WDR91: variants seen among roughly 807,000 people sequenced by gnomAD.
The protein encoded by WDR91 is WD repeat domain 91.
In WDR91, 52 loss-of-function variants were observed where a neutral mutation model predicts 88.4. The observed-to-expected ratio is 0.59, with a 90% CI of 0.47 to 0.74. The LOEUF is 0.74. WDR91 is among the 30% of genes least tolerant of loss of function. The pLI, the probability that WDR91 is intolerant of heterozygous loss-of-function variation, is 0.00. For missense variants in WDR91, 824 were observed against 954.5 expected (o/e 0.86, Z 1.80); for synonymous variants, 362 against 389.5 (o/e 0.93, Z 0.83).
chr7:135,197,703 G>A, intron 7 of WDR91: 1 of 303,264 alleles, frequency 3.3e-6, no homozygotes, highest in East Asian at 5.9e-5. Flanking sequence ...GGATGAGTAT[G>A]CAAAGGTTCC....
At chr7:135,209,793 A>G in intron 1 of WDR91, 38 bp from the exon 2 acceptor site, 2 of 1,476,274 alleles carry the variant, frequency 1.4e-6, no homozygotes, top group Non-Finnish European at 1.8e-6. Flanking sequence ...GGTAAGGGAC[A>G]GAAGGGAATT....
Position 135,205,972 on chromosome 7 carries a change from C to T in WDR91, c.681G>A (p.Leu227=), listed in dbSNP as rs764310634. The change falls in exon 5 of 15, where the codon TTG becomes TTA. Residue 227 remains leucine (L), a synonymous_variant. Transcript: ENST00000354475. ...EEEEALVQHK[L]PPYVSNMDRL... is the part of the protein sequence containing the mutation. ...GGTCCATGTTGGAGACATAAGGAGG[C>T]AATTTGTGTTGGACCAAGGCCTCTT... The T allele has an allele frequency of 3.7e-6, 6 of 1,614,008 alleles. No homozygotes were observed. The highest frequency in any genetic ancestry group is 5.1e-6 in the Non-Finnish European group (6 of 1,180,040).
intron 4 of WDR91, 122 bp downstream of exon 4, chr7:135,206,998 C>T (rs1274514257): frequency 4.9e-6 from 3 of 608,782 alleles, no homozygotes; most frequent in Non-Finnish European, 8.1e-6. Flanking sequence ...GACTCATTTC[C>T]ATCTGAGAAA....
chr7:135,192,542 G>A (rs1831208937), intron 11 of WDR91, among the ~76,000 whole-genome samples: 1 of 152,026 alleles, frequency 6.6e-6, no homozygotes, highest in Admixed American at 6.5e-5. Context: ...TGAGAGGTCT[G>A]ACAGACCCAA....
rs530216795 is a variant in WDR91 at position 135,196,923 on chromosome 7, C to T, written c.1051-586G>A. On this transcript the variant is annotated intron_variant, in intron 7 of 14. Coordinates refer to ENST00000354475, the MANE Select transcript of WDR91 (RefSeq NM_014149.4). This position sits in a 1 kb window ranked among gnomAD's most constrained non-coding sequence, Gnocchi z 4.2. ...CTCCTGGGAGGTGGGCACTGAGAAA[C>T]TAAGAAACAGACACAACTGGCCAGG... is the stretch of plus-strand genomic sequence containing the variant. 6.6e-6 allele frequency: 1 copy of T among 152,432 alleles called. No homozygotes were observed. Among genetic ancestry groups the T allele is most frequent in the East Asian group, 1.9e-4 (1 of 5,194 alleles). The allele number at this position is 152,432 out of a possible 1,614,324, so 9.4% of individuals were successfully genotyped here. A position where few individuals can be genotyped will look rare whatever the true frequency, so the allele number is the denominator to read the frequency against.
chr7:135,196,058 C>T lies in WDR91; in HGVS notation c.1244+86G>A, dbSNP rs112532396. On this transcript the variant is annotated intron_variant, in intron 8 of 14. Transcript: ENST00000354475. This position sits in a 1 kb window ranked among gnomAD's most constrained non-coding sequence, Gnocchi z 4.2. ...GGCCCTCGTCCAAGCCCCCATTCTC[C>T]GCCATCTCCTGCTGGCCACACCTCC... 4.0e-5 allele frequency: 53 copies of T among 1,332,948 alleles called. No individual in the cohort carries two copies. The highest frequency in any genetic ancestry group is 1.4e-4 in the African/African-American group (9 of 66,426). The allele number at this position is 1,332,948 out of a possible 1,614,324, so 82.6% of individuals were successfully genotyped here.
chr7:135,209,800 A>G, intron 1 of WDR91, 45 bp from the exon 2 acceptor site: 1 of 1,444,640 alleles, frequency 6.9e-7, no homozygotes, highest in Non-Finnish European at 9.2e-7. Context: ...GACAGAAGGG[A>G]ATTCTCCCCT....
At chr7:135,188,359 AGGTAT>A in intron 13 of WDR91, 69 bp downstream of exon 13, 1 of 1,255,424 alleles carries the variant, frequency 8.0e-7, no homozygotes, top group Non-Finnish European at 1.2e-6. Flanking sequence ...AGCTAGTAAC[AGGTAT>A]GGCCACAACC....
At position 135,196,076 on chromosome 7, in the gene WDR91, A is replaced by G. The variant is rs1033887195; in HGVS notation, c.1244+68T>C. The G allele has an allele frequency of 7.1e-7, 1 of 1,405,306 alleles. No individual in the cohort carries two copies. The highest frequency in any genetic ancestry group is 2.7e-5 in the East Asian group (1 of 37,446). 87.1% of individuals were successfully genotyped at this position (1,405,306 alleles called of 1,614,324 possible). A position where few individuals can be genotyped will look rare whatever the true frequency, so the allele number is the denominator to read the frequency against. ...CATTCTCCGCCATCTCCTGCTGGCC[A>G]CACCTCCACGTGTACTGCCTGAAAA... On this transcript the variant is annotated intron_variant, in intron 8 of 14. Coordinates refer to ENST00000354475, the MANE Select transcript of WDR91 (RefSeq NM_014149.4). This position sits in a 1 kb window ranked among gnomAD's most constrained non-coding sequence, Gnocchi z 4.2.
intron 12 of WDR91, 124 bp downstream of exon 12, chr7:135,189,220 T>G (rs971288006): frequency 1.4e-6 from 1 of 712,488 alleles, no homozygotes; most frequent in Non-Finnish European, 2.4e-6. Flanking sequence ...CTGTAGTACA[T>G]GCATCTGAAG....
At chr7:135,200,979 G>A (rs1831548676) in intron 6 of WDR91, among the ~76,000 whole-genome samples, 1 of 152,164 alleles carries the variant, frequency 6.6e-6, no homozygotes, top group Non-Finnish European at 1.5e-5. Flanking sequence ...ATCCCAGAAT[G>A]AAAGACAGGC....
At chr7:135,186,505 T>C (rs1382010559) in intron 14 of WDR91, among the ~76,000 whole-genome samples, 190 bp from the exon 15 acceptor site, 1 of 152,198 alleles carries the variant, frequency 6.6e-6, no homozygotes, top group Non-Finnish European at 1.5e-5. Flanking sequence ...CCATCTGAAG[T>C]GGAAAACAAG....
chr7:135,193,475 A>G (rs1831248243), intron 10 of WDR91, 76 bp from the exon 11 acceptor site: 1 of 1,610,758 alleles, frequency 6.2e-7, no homozygotes, highest in South Asian at 1.1e-5. Flanking sequence ...CTGAGGCTGG[A>G]TCCTGCACAG....
chr7:135,193,395 G>A lies in WDR91; in HGVS notation c.1495C>T (p.Leu499=). The part of the protein sequence containing the change: ...ININDNMPRI[L]SLACSPNGAS... The stretch of plus-strand genomic sequence containing the variant: ...CCGTTGGGGCTGCACGCAAGAGACA[G>A]GATTCTGCAACACACATGGGCCTGG... The change falls in exon 11 of 15, where the codon CTG becomes TTG. Residue 499 remains leucine (L), a synonymous_variant. Transcript: ENST00000354475. The A allele has an allele frequency of 6.2e-7, 1 of 1,614,126 alleles. No homozygotes were observed. Among genetic ancestry groups the A allele is most frequent in the Non-Finnish European group, 8.5e-7 (1 of 1,180,022 alleles).
chr7:135,196,166 G>C lies in WDR91; in HGVS notation c.1222C>G (p.His408Asp). The C allele has an allele frequency of 3.2e-6, 5 of 1,569,212 alleles. No individual in the cohort carries two copies. Among genetic ancestry groups the C allele is most frequent in the Non-Finnish European group, 4.3e-6 (5 of 1,155,978 alleles). ...VLGQEEYGEH[H>D]SSIMHCRVDC... ...CACCTGCAGTGCATGATGGATGAGTGGTGTTCCCCGTACTCCTCCTGTCCC... is the reference window on the plus strand; with the variant it reads ...CACCTGCAGTGCATGATGGATGAGTCGTGTTCCCCGTACTCCTCCTGTCCC... The change falls in exon 8 of 15, where the codon CAC becomes GAC. Residue 408 changes from histidine to aspartate, a missense_variant. Coordinates refer to ENST00000354475, the MANE Select transcript of WDR91 (RefSeq NM_014149.4). The surrounding 1 kb of genome is among the most constrained non-coding windows in gnomAD (Gnocchi z 4.2).
Position 135,193,263 on chromosome 7 carries a change from G to C in WDR91, c.1627C>G (p.Leu543Val). 6.2e-7 allele frequency: 1 copy of C among 1,614,164 alleles called. No homozygotes were observed. The highest frequency in any genetic ancestry group is 8.5e-7 in the Non-Finnish European group (1 of 1,180,046). The change falls in exon 11 of 15, where the codon CTG (leucine) becomes GTG (valine). Residue 543 changes from leucine to valine, a missense_variant. By Grantham distance (32) the Leu-to-Val change is conservative. Coordinates refer to ENST00000354475, the MANE Select transcript of WDR91 (RefSeq NM_014149.4). ...KGMNQVPGRL[L>V]LWDTKTMKQQ... ...TTCATGGTTTTCGTGTCCCACAGCA[G>C]CAGCCTGCCAGGAACCTGGTTCATG... is the stretch of plus-strand genomic sequence containing the variant.
chr7:135,198,048 C>G lies in WDR91; in HGVS notation c.995G>C (p.Arg332Pro). 1 of 1,614,162 alleles carries G rather than the reference C, an allele frequency of 6.2e-7. No individual in the cohort carries two copies. Among genetic ancestry groups the G allele is most frequent in the Non-Finnish European group, 8.5e-7 (1 of 1,180,024 alleles). The stretch of plus-strand genomic sequence containing the variant: ...CCTCTCCTTGCCATGGTCCTGCAGG[C>G]GCCGCTGCCGGTGCTGTGACCAACC... ...ESGWSQHRQRRLQDHGKERKE... is the reference protein window; with the variant it reads ...ESGWSQHRQRPLQDHGKERKE... The change falls in exon 7 of 15, where the codon CGC becomes CCC. Residue 332 changes from arginine to proline, a missense_variant. Physicochemically the swap from Arg to Pro is moderately radical, Grantham distance 103. Coordinates refer to ENST00000354475, the MANE Select transcript of WDR91 (RefSeq NM_014149.4).
intron 1 of WDR91, chr7:135,210,723 G>GA (rs1259433290): frequency 5.3e-5 from 37 of 697,810 alleles, no homozygotes; most frequent in South Asian, 4.6e-4. Context: ...GGCCAGGCAG[G>GA]AAACCAGATC....
intron 11 of WDR91, 54 bp from the exon 12 acceptor site, chr7:135,189,506 G>T: frequency 1.4e-6 from 2 of 1,474,438 alleles, no homozygotes; most frequent in Non-Finnish European, 1.9e-6. Flanking sequence ...GCCCAGGCAC[G>T]CTGCTTATTC....
Sources: gnomAD v4.1 joint callset for allele counts (sites outside exome capture counted in the v4.1 genomes callset) on GRCh38, gnomAD v4.1.1 for gene constraint, Gnocchi (gnomAD v3.1) non-coding constraint, MANE v1.5 for transcripts, NCBI Gene and HGNC (gene_info 2026-07-23, HGNC 2026-07-21) for gene names.